The following CLEC18C variants were observed in gnomAD, a reference collection of about 807,000 sequenced individuals.
The protein encoded by CLEC18C is C-type lectin domain family 18 member C, also known as mannose receptor-like 3.
A neutral mutation model predicts 27.2 loss-of-function variants in CLEC18C; 2 were observed. The observed-to-expected ratio is 0.07, with a 90% CI of 0.03 to 0.23. The LOEUF is 0.23. Among genes scored for constraint, CLEC18C ranks in the 10% least tolerant of loss-of-function variants. The probability of loss-of-function intolerance (pLI) is 1.00; values close to 1 mark genes in which losing one functional copy is unlikely to be tolerated. For synonymous variants in CLEC18C, 13 were observed against 112.8 expected, an observed-to-expected ratio of 0.12 and a Z score of 5.61; for missense variants, 31 against 269.0, an observed-to-expected ratio of 0.12 and a Z score of 6.19.
At chr16:70,186,056 T>C (rs1283331715) in intron 12 of CLEC18C, 80 bp downstream of exon 12, 1 of 1,497,544 alleles carries the variant, frequency 6.7e-7, no homozygotes, top group Non-Finnish European at 9.1e-7. Flanking sequence ...TGCAAGGGTA[T>C]CTAGGTGGCA....
chr16:70,185,961 T>C lies in CLEC18C; in HGVS notation c.1288T>C (p.Tyr430His). The C allele has an allele frequency of 1.3e-6, 2 of 1,595,410 alleles. No individual in the cohort carries two copies. The highest frequency in any genetic ancestry group is 1.7e-6 in the Non-Finnish European group (2 of 1,178,228). ...CCAGCGCTGCAAAACCCGAAACCGTTACATCTGCCAGTTTGGTGAGGGACT... is the reference window on the plus strand; with the variant it reads ...CCAGCGCTGCAAAACCCGAAACCGTCACATCTGCCAGTTTGGTGAGGGACT... ...NNQRCKTRNR[Y>H]ICQFAQEHIS... The change falls in exon 12 of 13, where the codon TAC becomes CAC. Residue 430 changes from tyrosine to histidine, a missense_variant. Transcript: ENST00000541793.
In CLEC18C at chr16:70,186,874, A is replaced by G; in HGVS notation, c.*354A>G. 1 of 289,186 alleles carries G rather than the reference A, an allele frequency of 3.5e-6. No individual in the cohort carries two copies. The highest frequency in any genetic ancestry group is 4.5e-5 in the Admixed American group (1 of 22,068). 17.9% of individuals were successfully genotyped at this position (289,186 alleles called of 1,614,324 possible). A position where few individuals can be genotyped will look rare whatever the true frequency, so the allele number is the denominator to read the frequency against. Reference sequence around the variant, plus strand: ...CCCTGTGGCATGAACCCCACAGGGTATTAAATTATGAATCAGCTGAACCTG... The same window carrying G: ...CCCTGTGGCATGAACCCCACAGGGTGTTAAATTATGAATCAGCTGAACCTG... On this transcript the variant is annotated 3_prime_UTR_variant, in exon 13 of 13. Transcript: ENST00000541793.
At chr16:70,181,672 A>T (rs1968435484) in intron 4 of CLEC18C, among the ~76,000 whole-genome samples, 178 bp from the exon 5 acceptor site, 2 of 11,164 alleles carry the variant, frequency 1.8e-4, no homozygotes, top group African/African-American at 5.6e-4. Context: ...TAAATAAATA[A>T]ATAAGCCTTC....
chr16:70,176,386 C>T (rs1180767101), intron 3 of CLEC18C, among the ~76,000 whole-genome samples: 63 of 141,694 alleles, frequency 4.4e-4, no homozygotes, highest in East Asian at 3.3e-3. Flanking sequence ...GATCAGGGGA[C>T]TGCACCAAGT....
At position 70,185,940 on chromosome 16, in the gene CLEC18C, C is replaced by G; in HGVS notation, c.1267C>G (p.Arg423Gly). Residue 423 changes from arginine to glycine, a missense_variant, in exon 12 of 13, where the codon CGC becomes GGC. Coordinates refer to ENST00000541793, the MANE Select transcript of CLEC18C (RefSeq NM_173619.4). ...ASAAFNWNNQ[R>G]CKTRNRYICQ... ...AGCTGCCTTCAACTGGAACAACCAGCGCTGCAAAACCCGAAACCGTTACAT... is the reference window on the plus strand; with the variant it reads ...AGCTGCCTTCAACTGGAACAACCAGGGCTGCAAAACCCGAAACCGTTACAT... 6.3e-7 allele frequency: 1 copy of G among 1,594,198 alleles called. No homozygotes were observed. Among genetic ancestry groups the G allele is most frequent in the South Asian group, 1.1e-5 (1 of 90,754 alleles).
intron 4 of CLEC18C, among the ~76,000 whole-genome samples, chr16:70,179,004 C>T (rs1183154265): frequency 6.0e-5 from 5 of 83,200 alleles, no homozygotes; most frequent in African/African-American, 1.8e-4. Flanking sequence ...CATAAATTAC[C>T]CAGGTGTGAT....
chr16:70,179,367 C>T (rs1230283482), intron 4 of CLEC18C, among the ~76,000 whole-genome samples: 2 of 112,582 alleles, frequency 1.8e-5, no homozygotes, highest in Non-Finnish European at 3.7e-5. Flanking sequence ...TCACACCATT[C>T]TCCTGCCTCA....
At position 70,173,849 on chromosome 16, in the gene CLEC18C, G is replaced by A. The variant is rs1398738432; in HGVS notation, c.-209G>A. 1.5e-4 allele frequency: 29 copies of A among 192,798 alleles called. No homozygotes were observed. The highest frequency in any genetic ancestry group is 1.1e-5 in the Non-Finnish European group (1 of 92,602). The allele number at this position is 192,798 out of a possible 1,614,324, so 11.9% of individuals were successfully genotyped here. On this transcript the variant is annotated 5_prime_UTR_variant, in exon 1 of 13. Coordinates refer to ENST00000541793, the MANE Select transcript of CLEC18C (RefSeq NM_173619.4). ...TCCTCCTCCCAGGGCCCGGGGCTGG[G>A]GAGCGGAAGCCATCAGTGGGCTCGG...
At position 70,185,945 on chromosome 16, in the gene CLEC18C, C is replaced by T; in HGVS notation, c.1272C>T (p.Cys424=). The T allele has an allele frequency of 6.3e-7, 1 of 1,594,612 alleles. No individual in the cohort carries two copies. The highest frequency in any genetic ancestry group is 8.5e-7 in the Non-Finnish European group (1 of 1,178,202). ...SAAFNWNNQR[C]KTRNRYICQF... ...CCTTCAACTGGAACAACCAGCGCTG[C>T]AAAACCCGAAACCGTTACATCTGCC... The change falls in exon 12 of 13, where the codon TGC becomes TGT. Residue 424 remains cysteine, a synonymous_variant. Transcript: ENST00000541793.
intron 2 of CLEC18C, 165 bp from the exon 3 acceptor site, chr16:70,174,782 G>GTC (rs535095049): frequency 2.4e-6 from 1 of 408,264 alleles, no homozygotes; most frequent in Non-Finnish European, 4.7e-6. Flanking sequence ...GCTGTACCTG[G>GTC]TCTCTCTCTC....
intron 3 of CLEC18C, among the ~76,000 whole-genome samples, chr16:70,176,978 G>A (rs1166202077): frequency 8.7e-6 from 1 of 115,592 alleles, no homozygotes; most frequent in Non-Finnish European, 1.7e-5. Flanking sequence ...CAGCAGGAGC[G>A]GGTCCCACTG....
rs1353020629 is a variant in CLEC18C, at chr16:70,179,151, GT to G, written c.456+1672del. Among the ~76,000 whole-genome samples the G allele has an allele frequency of 9.2e-5, 9 of 97,914 alleles. 2 individuals are homozygous for G. The highest frequency in any genetic ancestry group is 1.9e-5 in the Non-Finnish European group (1 of 51,608). The allele number at this position is 97,914 out of a possible 152,430, so 64.2% of individuals were successfully genotyped here. On this transcript the variant is annotated intron_variant, in intron 4 of 12. Transcript: ENST00000541793. ...GCAGCAGGAGTAAAACCCTGGCTTA[GT>G]AAAAAGAAGAACATGTGCCCCTACA...
At position 70,186,528 on chromosome 16, in the gene CLEC18C, C is replaced by T. The variant is rs756713364; in HGVS notation, c.*8C>T. ...TGGGGCCCAGGGTCCTGAGGCCTGA[C>T]CACATGGCTCCCTCGCCTGCCCTGG... On this transcript the variant is annotated 3_prime_UTR_variant, in exon 13 of 13. Coordinates refer to ENST00000541793, the MANE Select transcript of CLEC18C (RefSeq NM_173619.4). 35 of 1,387,808 alleles carry T rather than the reference C, an allele frequency of 2.5e-5. 1 individual carries two copies. The highest frequency in any genetic ancestry group is 3.1e-5 in the Non-Finnish European group (31 of 1,008,552). 86.0% of individuals were successfully genotyped at this position (1,387,808 alleles called of 1,614,324 possible).
At chr16:70,174,137 T>TTAC (rs1968185666) in intron 1 of CLEC18C, 36 bp from the exon 2 acceptor site, 1 of 871,448 alleles carries the variant, frequency 1.1e-6, no homozygotes, top group Non-Finnish European at 1.7e-6. Flanking sequence ...GACACACTGA[T>TTAC]TACTCACTCA....
At chr16:70,174,447 G>A in intron 2 of CLEC18C, 45 bp downstream of exon 2, 1 of 1,292,716 alleles carries the variant, frequency 7.7e-7, no homozygotes, top group Non-Finnish European at 1.0e-6. Flanking sequence ...ACCATTATGA[G>A]CTCTGAGGAG....
intron 4 of CLEC18C, among the ~76,000 whole-genome samples, chr16:70,179,769 C>T (rs1968404354): frequency 6.9e-6 from 1 of 145,736 alleles, no homozygotes; most frequent in Admixed American, 7.0e-5. Context: ...GCGTCAGCCT[C>T]CTGAGTAGCT....
intron 4 of CLEC18C, among the ~76,000 whole-genome samples, chr16:70,178,510 G>A (rs1293100600): frequency 7.2e-6 from 1 of 139,810 alleles, no homozygotes; most frequent in East Asian, 2.2e-4. Context: ...CACCTGCGTG[G>A]GCCTCCCAAA....
At chr16:70,177,595 TG>T in intron 4 of CLEC18C, 115 bp downstream of exon 4, 1 of 1,228,980 alleles carries the variant, frequency 8.1e-7, no homozygotes, top group Non-Finnish European at 1.1e-6. Flanking sequence ...TTCCTCCAAT[TG>T]GTTTAGTTTT....
At chr16:70,179,696 G>C (rs1450249862) in intron 4 of CLEC18C, among the ~76,000 whole-genome samples, 2 of 144,882 alleles carry the variant, frequency 1.4e-5, no homozygotes, top group African/African-American at 2.6e-5. Context: ...GCCCAGGCCA[G>C]AGTGCAGTGG....
Sources: allele counts gnomAD v4.1 joint callset (sites outside exome capture counted in the v4.1 genomes callset), GRCh38; gene constraint gnomAD v4.1.1; transcripts MANE v1.5; gene names NCBI Gene and HGNC (gene_info 2026-07-23, HGNC 2026-07-21).